RBMS1: variants seen among roughly 807,000 people sequenced by gnomAD.
The protein encoded by RBMS1 is RNA binding motif single stranded interacting protein 1.
In RBMS1, 17 loss-of-function variants were observed where a neutral mutation model predicts 62.3. The observed-to-expected ratio is 0.27, with a 90% CI of 0.19 to 0.41. The LOEUF is 0.41. Among genes scored for constraint, RBMS1 ranks in the 10% least tolerant of loss-of-function variants. The pLI is 1.00. For synonymous variants in RBMS1, 172 were observed against 170.0 expected (o/e 1.01, Z -0.09); for missense variants, 334 against 504.5 (o/e 0.66, Z 3.24).
rs140675333 is a variant in RBMS1 at position 160,406,244 on chromosome 2, G to A, written c.76-38853C>T. Among the ~76,000 whole-genome samples, 8 of 152,282 alleles carry A rather than the reference G, an allele frequency of 5.3e-5. No individual in the cohort carries two copies. In the East Asian group the frequency reaches 1.2e-3, roughly 22 times the overall value. ...GAAAAGAACCAAAGACCAGAAGGCAGAAAACATTTCTTTTCGACACTGCCA... is the reference window on the plus strand; with the variant it reads ...GAAAAGAACCAAAGACCAGAAGGCAAAAAACATTTCTTTTCGACACTGCCA... On this transcript the variant is annotated intron_variant, in intron 1 of 13. Coordinates refer to ENST00000348849, the MANE Select transcript of RBMS1 (RefSeq NM_016836.4).
At chr2:160,449,077 G>C (rs1683826174) in intron 1 of RBMS1, among the ~76,000 whole-genome samples, 1 of 151,936 alleles carries the variant, frequency 6.6e-6, no homozygotes, top group South Asian at 2.1e-4. Flanking sequence ...CGTCTGGGAA[G>C]TGAGGAGCCC....
rs917322134 is a variant in RBMS1, at chr2:160,340,088, T to C, written c.252-21861A>G. On this transcript the variant is annotated intron_variant, in intron 2 of 13. Transcript: ENST00000348849. ...CTTCTTCACCAATGGTATTACTTTT[T>C]GATTCTTACTTTCTTCTATATACTT... Among the ~76,000 whole-genome samples, 11 of 152,218 alleles carry C rather than the reference T, an allele frequency of 7.2e-5. 1 individual carries two copies. Among genetic ancestry groups the C allele is most frequent in the African/African-American group, 2.2e-4 (9 of 41,466 alleles).
Position 160,278,617 on chromosome 2 carries a change from T to C in RBMS1, c.993A>G (p.Leu331=), listed in dbSNP as rs1414601031. The C allele has an allele frequency of 6.2e-7, 1 of 1,613,642 alleles. No individual in the cohort carries two copies. Among genetic ancestry groups the C allele is most frequent in the South Asian group, 1.1e-5 (1 of 91,048 alleles). ...LTPSMEHTMS[L]QPASMISPLA... is the part of the protein sequence containing the mutation. The stretch of plus-strand genomic sequence containing the variant: ...GAGGGCTGATCATTGATGCGGGCTG[T>C]AGTGACATGGTGTGCTCCATTGAGG... Residue 331 remains leucine (L), a synonymous_variant, in exon 11 of 14, where the codon CTA becomes CTG. Transcript: ENST00000348849.
intron 1 of RBMS1, among the ~76,000 whole-genome samples, chr2:160,375,584 G>A (rs1693953708): frequency 6.6e-6 from 1 of 152,094 alleles, no homozygotes; most frequent in African/African-American, 2.4e-5. Flanking sequence ...AGTATAAAGA[G>A]TTACATTTCA....
At chr2:160,459,890 C>T (rs1317602135) in intron 1 of RBMS1, among the ~76,000 whole-genome samples, 2 of 152,194 alleles carry the variant, frequency 1.3e-5, no homozygotes, top group Non-Finnish European at 2.9e-5. Flanking sequence ...ATTAGGAACA[C>T]AGGAACTTCC....
At chr2:160,404,040 T>C (rs1695568038) in intron 1 of RBMS1, among the ~76,000 whole-genome samples, 1 of 152,216 alleles carries the variant, frequency 6.6e-6, no homozygotes, top group Non-Finnish European at 1.5e-5. Flanking sequence ...GTTTTTGGGG[T>C]GCTCTTTTCA....
At chr2:160,296,602 T>C (rs1192778065) in intron 6 of RBMS1, among the ~76,000 whole-genome samples, 1 of 152,230 alleles carries the variant, frequency 6.6e-6, no homozygotes, top group Admixed American at 6.5e-5. Flanking sequence ...CTGGCTGGAA[T>C]GAATCTAACT....
At chr2:160,428,214 TTC>T (rs1682725652) in intron 1 of RBMS1, among the ~76,000 whole-genome samples, 2 of 152,158 alleles carry the variant, frequency 1.3e-5, no homozygotes, top group South Asian at 4.1e-4. Flanking sequence ...CAACTTGGTT[TTC>T]TCTCTTTATA....
intron 3 of RBMS1, among the ~76,000 whole-genome samples, chr2:160,317,669 T>A (rs1159994523): frequency 6.6e-6 from 1 of 152,176 alleles, no homozygotes; most frequent in Non-Finnish European, 1.5e-5. Context: ...TCCTCCCTGC[T>A]GCCAATATTG....
At chr2:160,313,115 A>C in intron 4 of RBMS1, 41 bp downstream of exon 4, 2 of 1,589,394 alleles carry the variant, frequency 1.3e-6, no homozygotes, top group South Asian at 1.1e-5. Flanking sequence ...TTCACAACCA[A>C]AGCTGTGGAA....
intron 1 of RBMS1, among the ~76,000 whole-genome samples, chr2:160,382,858 T>C (rs200388838): frequency 6.6e-6 from 1 of 151,738 alleles, no homozygotes; most frequent in Non-Finnish European, 1.5e-5. Flanking sequence ...TTTTTTTTTT[T>C]AAAAAGCTAC....
intron 1 of RBMS1, among the ~76,000 whole-genome samples, chr2:160,373,591 A>T (rs1201586190): frequency 1.3e-5 from 2 of 152,166 alleles, no homozygotes; most frequent in African/African-American, 4.8e-5. Context: ...TTTTTGTGCA[A>T]TTTGTTCCAT....
intron 1 of RBMS1, among the ~76,000 whole-genome samples, chr2:160,429,014 G>A (rs1682772018): frequency 6.6e-6 from 1 of 152,118 alleles, no homozygotes; most frequent in African/African-American, 2.4e-5. Context: ...CTTTTCAACA[G>A]TTATCTATTG....
chr2:160,302,354 C>T (rs906008935), intron 5 of RBMS1: 1 of 151,794 alleles, frequency 6.6e-6, no homozygotes, highest in Non-Finnish European at 1.5e-5. Flanking sequence ...GCCACCATGC[C>T]TGGCTAATTT....
chr2:160,407,671 C>T (rs890057516), intron 1 of RBMS1: 109 of 982,042 alleles, frequency 1.1e-4, no homozygotes, highest in Non-Finnish European at 1.3e-4. Flanking sequence ...CGCGCGGCGG[C>T]GGCCGGCGGG....
intron 1 of RBMS1, among the ~76,000 whole-genome samples, chr2:160,479,134 C>T (rs920752626): frequency 6.6e-6 from 1 of 152,200 alleles, no homozygotes; most frequent in Non-Finnish European, 1.5e-5. Context: ...TAGAGTCCAT[C>T]CAGCCGATCT....
intron 2 of RBMS1, among the ~76,000 whole-genome samples, chr2:160,348,593 A>G (rs932798374): frequency 2.0e-5 from 3 of 152,142 alleles, no homozygotes; most frequent in African/African-American, 7.2e-5. Flanking sequence ...GAGCCTGAAG[A>G]GCTTGTCTAA....
In RBMS1 at chr2:160,318,229, TAAAAAAAAAAAAA is replaced by T. The variant is rs5835799; in HGVS notation, c.252-15_252-3del. ...TTTGTGGAGACTATTTTCCCATATCTAAAAAAAAAAAAAAAAAAAAAAAGGAAAAAAAGAAAAG... is the reference window on the plus strand; with the variant it reads ...TTTGTGGAGACTATTTTCCCATATCTAAAAAAAAAAGGAAAAAAAGAAAAG... On this transcript the variant is annotated splice_polypyrimidine_tract_variant and splice_region_variant and intron_variant, in intron 2 of 13. Coordinates refer to ENST00000348849, the MANE Select transcript of RBMS1 (RefSeq NM_016836.4). 2.8e-5 allele frequency: 33 copies of T among 1,164,712 alleles called. No individual in the cohort carries two copies. Among genetic ancestry groups the T allele is most frequent in the South Asian group, 1.4e-4 (7 of 49,564 alleles). The allele number at this position is 1,164,712 out of a possible 1,614,324, so 72.1% of individuals were successfully genotyped here. A position where few individuals can be genotyped will look rare whatever the true frequency, so the allele number is the denominator to read the frequency against.
At chr2:160,293,851 T>C (rs1028861080) in intron 6 of RBMS1, among the ~76,000 whole-genome samples, 1 of 152,220 alleles carries the variant, frequency 6.6e-6, no homozygotes, top group Admixed American at 6.5e-5. Flanking sequence ...ATCATGATCA[T>C]GTGTTTCAGT....
Sources: gnomAD v4.1 joint callset for allele counts (sites outside exome capture counted in the v4.1 genomes callset) on GRCh38, gnomAD v4.1.1 for gene constraint, MANE v1.5 for transcripts, NCBI Gene and HGNC (gene_info 2026-07-23, HGNC 2026-07-21) for gene names.